The following GNAO1 variants were observed in gnomAD, a reference collection of about 807,000 sequenced individuals.
GNAO1 encodes the protein guanine nucleotide-binding protein G(o) subunit alpha.
For missense variants in GNAO1, 166 were observed against 478.7 expected (o/e 0.35, Z 6.10); for synonymous variants, 164 against 180.7 (o/e 0.91, Z 0.74).
chr16:56,235,512 C>T (rs1426841452), intron 2 of GNAO1: 3 of 436,794 alleles, frequency 6.9e-6, no homozygotes. Flanking sequence ...GTCAGTTCTC[C>T]TCGACATCCC....
At chr16:56,343,329 AAAT>A (rs59805466) in intron 6 of GNAO1, among the ~76,000 whole-genome samples, 8 of 146,848 alleles carry the variant, frequency 5.4e-5, no homozygotes, top group Admixed American at 2.0e-4. Flanking sequence ...TCTGTATTAA[AAAT>A]AATAATAATA....
intron 6 of GNAO1, among the ~76,000 whole-genome samples, chr16:56,341,567 C>T (rs1473873510): frequency 6.6e-6 from 1 of 152,222 alleles, no homozygotes; most frequent in Non-Finnish European, 1.5e-5. Flanking sequence ...AGGGTTATGC[C>T]TGTAACTCAC....
chr16:56,345,841 G>T (rs1567493861), intron 6 of GNAO1: 14 of 985,446 alleles, frequency 1.4e-5, no homozygotes, highest in Non-Finnish European at 1.7e-5. Flanking sequence ...GTAACCCCAG[G>T]CTCAGAAGCA....
At chr16:56,339,179 T>C (rs1300098013) in intron 6 of GNAO1, among the ~76,000 whole-genome samples, 3 of 152,216 alleles carry the variant, frequency 2.0e-5, no homozygotes, top group Admixed American at 6.5e-5. Flanking sequence ...CGCCGTGCGC[T>C]GGGGGCGCAT....
At chr16:56,308,794 T>C (rs971905120) in intron 3 of GNAO1, among the ~76,000 whole-genome samples, 1 of 152,042 alleles carries the variant, frequency 6.6e-6, no homozygotes, top group Non-Finnish European at 1.5e-5. Flanking sequence ...GAGAGGGCAC[T>C]GCGAGCCCTC....
rs1196426574 is a variant in GNAO1 at position 56,354,012 on chromosome 16, T to C, written c.878-854T>C. On this transcript the variant is annotated intron_variant, in intron 7 of 8. Coordinates refer to ENST00000262493, the MANE Select transcript of GNAO1 (RefSeq NM_020988.3). This position sits in a 1 kb window ranked among gnomAD's most constrained non-coding sequence, Gnocchi z 4.3. Reference sequence around the variant, plus strand: ...ATGCCCCAATGTCCTGGCCACTCGCTTAAGAACCACGCCTACTAATGATAT... The same window carrying C: ...ATGCCCCAATGTCCTGGCCACTCGCCTAAGAACCACGCCTACTAATGATAT... Among the ~76,000 whole-genome samples, 3 of 152,222 alleles carry C rather than the reference T, an allele frequency of 2.0e-5. No homozygotes were observed. The highest frequency in any genetic ancestry group is 2.1e-4 in the South Asian group (1 of 4,832).
intron 2 of GNAO1, among the ~76,000 whole-genome samples, chr16:56,261,746 C>T (rs1378456262): frequency 6.6e-6 from 1 of 152,128 alleles, no homozygotes; most frequent in African/African-American, 2.4e-5. Flanking sequence ...GGGGCAGCTG[C>T]TGTCCTATGG....
intron 6 of GNAO1, among the ~76,000 whole-genome samples, chr16:56,350,805 C>G (rs1217358016): frequency 6.6e-6 from 1 of 152,126 alleles, no homozygotes; most frequent in Non-Finnish European, 1.5e-5. Context: ...GAGAACATCC[C>G]CCTACCCAGG....
intron 3 of GNAO1, among the ~76,000 whole-genome samples, chr16:56,294,115 C>T (rs145826000): frequency 1.8e-4 from 27 of 152,256 alleles, no homozygotes; most frequent in African/African-American, 6.3e-4. Context: ...TGCTGACCCC[C>T]AGTGTGCCTG....
chr16:56,214,969 G>T (rs1188815987), intron 2 of GNAO1, among the ~76,000 whole-genome samples: 1 of 152,174 alleles, frequency 6.6e-6, no homozygotes, highest in African/African-American at 2.4e-5. Flanking sequence ...TCTGCATTGG[G>T]TCTGGGCATT....
chr16:56,233,370 T>C (rs1447770719), intron 2 of GNAO1, among the ~76,000 whole-genome samples: 11 of 152,238 alleles, frequency 7.2e-5, no homozygotes, highest in African/African-American at 2.6e-4. Flanking sequence ...AATGAAAAAA[T>C]GAATGGAAGG....
intron 6 of GNAO1, chr16:56,340,794 G>A: frequency 6.3e-7 from 1 of 1,598,672 alleles, no homozygotes; most frequent in Non-Finnish European, 8.5e-7. Context: ...CAGGGCCCTG[G>A]ATGCTGCCGC....
chr16:56,197,250 A>G (rs2036241512), intron 2 of GNAO1, among the ~76,000 whole-genome samples: 1 of 152,106 alleles, frequency 6.6e-6, no homozygotes, highest in Admixed American at 6.5e-5. Flanking sequence ...ACTGAGAGCC[A>G]CTCTTCTAGA....
At chr16:56,325,192 T>A (rs1251316134) in intron 3 of GNAO1, among the ~76,000 whole-genome samples, 1 of 152,240 alleles carries the variant, frequency 6.6e-6, no homozygotes. Flanking sequence ...TAATACTGCA[T>A]GCAGCTGGGC....
intron 2 of GNAO1, among the ~76,000 whole-genome samples, chr16:56,247,740 T>A (rs1199463583): frequency 6.6e-6 from 1 of 152,198 alleles, no homozygotes; most frequent in Non-Finnish European, 1.5e-5. Flanking sequence ...AGGAATGTGG[T>A]TGATGCTTAA....
intron 2 of GNAO1, among the ~76,000 whole-genome samples, chr16:56,243,543 A>G (rs538656767): frequency 6.6e-6 from 1 of 152,382 alleles, no homozygotes; most frequent in South Asian, 2.1e-4. Flanking sequence ...ACAATATACA[A>G]ATGACCAATA....
At chr16:56,210,576 AT>A (rs1446109298) in intron 2 of GNAO1, among the ~76,000 whole-genome samples, 1 of 152,236 alleles carries the variant, frequency 6.6e-6, no homozygotes, top group Non-Finnish European at 1.5e-5. Context: ...CGTCACCAGC[AT>A]TTGGTGTTGT....
chr16:56,192,099 T>G lies in GNAO1; in HGVS notation c.-137T>G, dbSNP rs1444295883. The G allele has an allele frequency of 4.9e-6, 3 of 607,846 alleles. No homozygotes were observed. In the East Asian group the frequency reaches 8.3e-5, roughly 17 times the overall value. 37.7% of individuals were successfully genotyped at this position (607,846 alleles called of 1,614,324 possible). A position where few individuals can be genotyped will look rare whatever the true frequency, so the allele number is the denominator to read the frequency against. On this transcript the variant is annotated 5_prime_UTR_variant, in exon 1 of 9. Transcript: ENST00000262493. Reference sequence around the variant, plus strand: ...GAGGGTTCTGGTTTCCCGACATTTTTGTTTCCAGCCCAGGAGAGGATATCG... The same window carrying G: ...GAGGGTTCTGGTTTCCCGACATTTTGGTTTCCAGCCCAGGAGAGGATATCG...
intron 8 of GNAO1, 148 bp downstream of exon 8, chr16:56,355,229 A>AT: frequency 4.5e-6 from 1 of 220,864 alleles, no homozygotes; most frequent in Non-Finnish European, 8.5e-6. Flanking sequence ...ATATATATAC[A>AT]AATATATATT....
Sources: allele counts gnomAD v4.1 joint callset (sites outside exome capture counted in the v4.1 genomes callset), GRCh38; gene constraint gnomAD v4.1.1; non-coding constraint Gnocchi (gnomAD v3.1); transcripts MANE v1.5; gene names NCBI Gene and HGNC (gene_info 2026-07-23, HGNC 2026-07-21).